CNTNAP2: variants seen among roughly 807,000 people sequenced by gnomAD.
CNTNAP2 encodes the protein contactin associated protein 2.
CNTNAP2 carries 98 observed loss-of-function variants against 155.2 expected under a neutral mutation model. The ratio of observed to expected loss-of-function variants is 0.63; its 90% CI spans 0.54 to 0.75. The LOEUF (loss-of-function observed/expected upper bound fraction) is 0.75. Among genes scored for constraint, CNTNAP2 ranks in the 30% least tolerant of loss-of-function variants. The pLI is 0.00. For synonymous variants in CNTNAP2, 651 were observed against 631.2 expected, an observed-to-expected ratio of 1.03 and a Z score of -0.47; for missense variants, 1,727 against 1,688.1, an observed-to-expected ratio of 1.02 and a Z score of -0.40.
chr7:146,906,457 A>G lies in CNTNAP2; in HGVS notation c.402+66553A>G, dbSNP rs376021718. On this transcript the variant is annotated intron_variant, in intron 3 of 23. Transcript: ENST00000361727. ...TCCCAGCACGCAGCTGGAGATCTGA[A>G]AACGGGCAGACTGCCTCCTCAAGTG... is the stretch of plus-strand genomic sequence containing the variant. 2.2e-3 allele frequency among the ~76,000 whole-genome samples: 338 copies of G among 151,962 alleles called. 1 individual carries two copies. The highest frequency in any genetic ancestry group is 0.01 in the Admixed American group (154 of 15,230).
At chr7:147,347,477 C>CAT (rs376714937) in intron 9 of CNTNAP2, among the ~76,000 whole-genome samples, 38 of 30,168 alleles carry the variant, frequency 1.3e-3, no homozygotes, top group South Asian at 1.9e-3. Context: ...TATATATATG[C>CAT]ATATATATAT....
chr7:147,407,903 GAGC>G (rs778473071), intron 10 of CNTNAP2, among the ~76,000 whole-genome samples: 16 of 152,222 alleles, frequency 1.1e-4, no homozygotes, highest in Non-Finnish European at 1.9e-4. Context: ...TCAGAGGCAT[GAGC>G]AGAAGTGTGG....
intron 10 of CNTNAP2, among the ~76,000 whole-genome samples, chr7:147,412,080 A>G (rs1206243309): frequency 6.6e-6 from 1 of 152,194 alleles, no homozygotes; most frequent in African/African-American, 2.4e-5. Context: ...CCTCCCTTCA[A>G]GGATTTCATA....
intron 1 of CNTNAP2, among the ~76,000 whole-genome samples, chr7:146,357,450 C>T (rs1795015963): frequency 6.6e-6 from 1 of 151,968 alleles, no homozygotes; most frequent in African/African-American, 2.4e-5. Context: ...CATATCTTAT[C>T]ATATAATCTA....
At chr7:148,277,885 C>T (rs995288968) in intron 21 of CNTNAP2, among the ~76,000 whole-genome samples, 5 of 149,984 alleles carry the variant, frequency 3.3e-5, no homozygotes, top group Non-Finnish European at 1.5e-5. Context: ...CTTAAAACAA[C>T]AATTCTATTT....
chr7:147,605,672 A>C (rs1441231181), intron 12 of CNTNAP2, among the ~76,000 whole-genome samples: 1 of 152,114 alleles, frequency 6.6e-6, no homozygotes, highest in Non-Finnish European at 1.5e-5. Context: ...TGTTTCTTTC[A>C]GAGGACCTGC....
At position 148,147,582 on chromosome 7, in the gene CNTNAP2, G is replaced by T; in HGVS notation, c.2646G>T (p.Trp882Cys). 1.2e-6 allele frequency: 2 copies of T among 1,614,086 alleles called. No individual in the cohort carries two copies. The highest frequency in any genetic ancestry group is 1.7e-6 in the Non-Finnish European group (2 of 1,180,024). The change falls in exon 17 of 24, where the codon TGG (tryptophan) becomes TGT (cysteine). Residue 882 changes from tryptophan (W) to cysteine (C), a missense_variant. Coordinates refer to ENST00000361727, the MANE Select transcript of CNTNAP2 (RefSeq NM_014141.6). Reference protein sequence around the residue: ...RSPTPLNDDQWHRVTAERNVK... With the variant: ...RSPTPLNDDQCHRVTAERNVK... ...CAACCCCTCTCAACGATGACCAGTG[G>T]CACCGGGTCACTGCAGAGAGGAATG...
At chr7:146,662,347 A>G (rs1800106099) in intron 1 of CNTNAP2, among the ~76,000 whole-genome samples, 1 of 82,064 alleles carries the variant, frequency 1.2e-5, no homozygotes, top group Non-Finnish European at 3.7e-5. Context: ...CATATTGGCC[A>G]GGCTGGCCTC....
chr7:146,649,648 A>G (rs1799872105), intron 1 of CNTNAP2, among the ~76,000 whole-genome samples: 1 of 152,196 alleles, frequency 6.6e-6, no homozygotes, highest in African/African-American at 2.4e-5. Context: ...TCAAAAATTT[A>G]CATCTTTCTC....
At chr7:147,508,732 T>C (rs1798960547) in intron 11 of CNTNAP2, among the ~76,000 whole-genome samples, 1 of 152,252 alleles carries the variant, frequency 6.6e-6, no homozygotes, top group Admixed American at 6.5e-5. Context: ...GGAATACGTC[T>C]CATGAGATCT....
intron 13 of CNTNAP2, among the ~76,000 whole-genome samples, chr7:147,902,802 G>A (rs1217697316): frequency 3.1e-5 from 4 of 130,076 alleles, no homozygotes; most frequent in Admixed American, 1.7e-4. Flanking sequence ...GTGTGTGTGT[G>A]TGTGTGTGTG....
chr7:146,691,413 C>G (rs1800695245), intron 1 of CNTNAP2, among the ~76,000 whole-genome samples: 1 of 152,122 alleles, frequency 6.6e-6, no homozygotes, highest in African/African-American at 2.4e-5. Flanking sequence ...TCTCAGAACA[C>G]TTACATTAGT....
chr7:147,324,654 T>C (rs1375042862), intron 9 of CNTNAP2, among the ~76,000 whole-genome samples: 1 of 152,214 alleles, frequency 6.6e-6, no homozygotes, highest in African/African-American at 2.4e-5. Context: ...TTTAAATTTA[T>C]ATGGTCCCTT....
chr7:146,576,778 T>G (rs1257485890), intron 1 of CNTNAP2, among the ~76,000 whole-genome samples: 7 of 152,174 alleles, frequency 4.6e-5, no homozygotes, highest in Non-Finnish European at 1.0e-4. Context: ...TTTTGTAAAA[T>G]AGTACATTCA....
intron 4 of CNTNAP2, among the ~76,000 whole-genome samples, chr7:147,071,944 A>C (rs1799900165): frequency 6.6e-6 from 1 of 152,206 alleles, no homozygotes; most frequent in Non-Finnish European, 1.5e-5. Flanking sequence ...TATCATGATG[A>C]AAATAAAAAC....
chr7:147,904,775 G>T (rs1020159719), intron 14 of CNTNAP2, among the ~76,000 whole-genome samples: 1 of 152,162 alleles, frequency 6.6e-6, no homozygotes. Context: ...TATTTCAATG[G>T]CTTAGAATGT....
intron 1 of CNTNAP2, among the ~76,000 whole-genome samples, chr7:146,120,881 A>G (rs955517615): frequency 2.6e-5 from 4 of 152,110 alleles, no homozygotes; most frequent in Non-Finnish European, 5.9e-5. Context: ...TACACTGTCT[A>G]GGTTTGTGAG....
At chr7:146,743,448 A>G (rs1346570285) in intron 1 of CNTNAP2, among the ~76,000 whole-genome samples, 1 of 152,182 alleles carries the variant, frequency 6.6e-6, no homozygotes, top group Admixed American at 6.5e-5. Context: ...ATTACAAACT[A>G]GTGATTCGAC....
intron 18 of CNTNAP2, among the ~76,000 whole-genome samples, chr7:148,192,453 G>A (rs771090621): frequency 6.6e-6 from 1 of 150,960 alleles, no homozygotes; most frequent in South Asian, 2.1e-4. Flanking sequence ...ACAGAAAAAC[G>A]CAAGCAAAAA....
Sources: gnomAD v4.1 joint callset for allele counts (sites outside exome capture counted in the v4.1 genomes callset) on GRCh38, gnomAD v4.1.1 for gene constraint, MANE v1.5 for transcripts, NCBI Gene and HGNC (gene_info 2026-07-23, HGNC 2026-07-21) for gene names.